MGAM2: variants seen among roughly 807,000 people sequenced by gnomAD.
MGAM2 encodes probable maltase-glucoamylase 2.
In MGAM2, 98 loss-of-function variants were observed where a neutral mutation model predicts 96.1. The observed-to-expected ratio is 1.02, with a 90% CI of 0.87 to 1.21. The LOEUF (loss-of-function observed/expected upper bound fraction) is 1.21, where lower values mean the gene tolerates loss of function less well. MGAM2 is among the 50% of genes most tolerant of loss of function. The probability of loss-of-function intolerance (pLI) is 0.00; values close to 1 mark genes in which losing one functional copy is unlikely to be tolerated. For synonymous variants in MGAM2, 749 were observed against 414.8 expected, an observed-to-expected ratio of 1.81 and a Z score of -9.79; for missense variants, 2,055 against 1,182.4, an observed-to-expected ratio of 1.74 and a Z score of -10.82.
At chr7:142,199,793 G>C (rs1445121761) in intron 44 of MGAM2, 87 bp from the exon 45 acceptor site, 1 of 501,900 alleles carries the variant, frequency 2.0e-6, no homozygotes, top group Middle Eastern at 2.9e-4. Context: ...TTTATTTCTA[G>C]ATAAGTAATG....
chr7:142,209,105 T>C (rs1797500082), intron 46 of MGAM2, among the ~76,000 whole-genome samples: 1 of 152,146 alleles, frequency 6.6e-6, no homozygotes, highest in African/African-American at 2.4e-5. Context: ...GTCTTGGGTC[T>C]ATTGGGCTGT....
intron 14 of MGAM2, among the ~76,000 whole-genome samples, chr7:142,145,701 G>A (rs1174185263): frequency 6.6e-6 from 1 of 152,162 alleles, no homozygotes; most frequent in African/African-American, 2.4e-5. Context: ...TCGGATCTAT[G>A]TCTGGTTCTC....
At chr7:142,144,610 T>G (rs1795330582) in intron 13 of MGAM2, among the ~76,000 whole-genome samples, 1 of 152,154 alleles carries the variant, frequency 6.6e-6, no homozygotes, top group Non-Finnish European at 1.5e-5. Context: ...TGAAATCAAT[T>G]TATAAAAAGT....
chr7:142,137,361 AC>A, intron 8 of MGAM2, 71 bp from the exon 9 acceptor site: 1 of 583,336 alleles, frequency 1.7e-6, no homozygotes, highest in Non-Finnish European at 3.1e-6. Context: ...AGGTGGCTCA[AC>A]TATTTCTACT....
Position 142,143,795 on chromosome 7 carries a change from C to T in MGAM2, c.1344C>T (p.Pro448=), listed in dbSNP as rs1006530507. 36 of 683,272 alleles carry T rather than the reference C, an allele frequency of 5.3e-5. No homozygotes were observed. The East Asian group carries it at 6.2e-4, about 12-fold the overall frequency. 42.3% of individuals were successfully genotyped at this position (683,272 alleles called of 1,614,324 possible). A position where few individuals can be genotyped will look rare whatever the true frequency, so the allele number is the denominator to read the frequency against. The change falls in exon 13 of 48, where the codon CCC becomes CCT. Residue 448 remains proline (P), a synonymous_variant. Transcript: ENST00000477922. ...GATATCCGGGACCGACAGTCTTTCCCGATTATACCAATCCAGTATGCACTG... is the reference window on the plus strand; with the variant it reads ...GATATCCGGGACCGACAGTCTTTCCTGATTATACCAATCCAGTATGCACTG... The part of the protein sequence containing the change: ...GEGYPGPTVF[P]DYTNPVCTEW...
At chr7:142,141,413 C>A (rs898534914) in intron 12 of MGAM2, among the ~76,000 whole-genome samples, 3 of 152,090 alleles carry the variant, frequency 2.0e-5, no homozygotes, top group African/African-American at 7.2e-5. Context: ...TTTCCCAAGA[C>A]AATAAATTCA....
chr7:142,136,725 A>T (rs2129079175), intron 8 of MGAM2, 85 bp downstream of exon 8: 2 of 563,268 alleles, frequency 3.6e-6, no homozygotes, highest in East Asian at 5.8e-5. Flanking sequence ...TGGTGAGATC[A>T]ACTGTTGAAC....
intron 33 of MGAM2, among the ~76,000 whole-genome samples, chr7:142,183,698 A>G (rs979282396): frequency 6.6e-6 from 1 of 152,186 alleles, no homozygotes; most frequent in Non-Finnish European, 1.5e-5. Flanking sequence ...CATGCAAAAC[A>G]TGCGTTCACC....
In MGAM2 at chr7:142,137,226, A is replaced by G. The variant is rs797000268; in HGVS notation, c.848-207A>G. ...TGTTCTTCTTTATCTTAAAAAAAAA[A>G]AAACAAAACTCAATTCTTCATTGGT... On this transcript the variant is annotated intron_variant, in intron 8 of 47. Coordinates refer to ENST00000477922, the MANE Select transcript of MGAM2 (RefSeq NM_001293626.2). Among the ~76,000 whole-genome samples the G allele has an allele frequency of 1.2e-4, 18 of 152,182 alleles. No homozygotes were observed. The South Asian group carries it at 3.5e-3, about 30-fold the overall frequency.
chr7:142,199,562 G>A (rs987472922), intron 44 of MGAM2, among the ~76,000 whole-genome samples: 2 of 152,198 alleles, frequency 1.3e-5, no homozygotes, highest in Non-Finnish European at 2.9e-5. Context: ...ATTTTATTCT[G>A]TGGCAACCTG....
intron 32 of MGAM2, among the ~76,000 whole-genome samples, chr7:142,176,983 T>C (rs939444479): frequency 3.9e-5 from 6 of 152,338 alleles, no homozygotes; most frequent in African/African-American, 1.4e-4. Flanking sequence ...ATTTATTTGT[T>C]TATTTAAATA....
chr7:142,180,709 A>G (rs1796511827), intron 32 of MGAM2, among the ~76,000 whole-genome samples: 1 of 152,114 alleles, frequency 6.6e-6, no homozygotes, highest in Non-Finnish European at 1.5e-5. Context: ...ATAATTCTAT[A>G]TTTCTCAGAG....
intron 16 of MGAM2, among the ~76,000 whole-genome samples, chr7:142,154,440 A>G (rs528652639): frequency 1.3e-5 from 2 of 152,348 alleles, no homozygotes; most frequent in South Asian, 4.1e-4. Context: ...TTAGTATCAC[A>G]GGAAAATTCC....
At chr7:142,128,624 A>C (rs967783876) in intron 3 of MGAM2, among the ~76,000 whole-genome samples, 1 of 152,188 alleles carries the variant, frequency 6.6e-6, no homozygotes, top group African/African-American at 2.4e-5. Context: ...AAAGGGACAA[A>C]AGTACAGCTC....
intron 19 of MGAM2, 146 bp from the exon 20 acceptor site, chr7:142,159,141 T>A (rs543156250): frequency 1.7e-6 from 1 of 589,908 alleles, no homozygotes; most frequent in Admixed American, 2.7e-5. Flanking sequence ...TCAACCTTTA[T>A]GTGTCTGTGT....
intron 2 of MGAM2, among the ~76,000 whole-genome samples, chr7:142,118,936 G>C (rs1325597385): frequency 2.0e-5 from 3 of 152,042 alleles, no homozygotes; most frequent in African/African-American, 7.2e-5. Context: ...TTAGATAACA[G>C]TTTCTTAGAT....
intron 8 of MGAM2, 144 bp from the exon 9 acceptor site, chr7:142,137,289 G>T: frequency 2.3e-6 from 1 of 433,766 alleles, no homozygotes; most frequent in South Asian, 4.9e-5. Context: ...CTCCAACAAC[G>T]ATCCTCTGAT....
intron 38 of MGAM2, 25 bp downstream of exon 38, chr7:142,196,312 CTGTGCTGGCAGGGAGGGCACTGGAGTT>C (rs1200238915): frequency 1.4e-6 from 1 of 712,052 alleles, no homozygotes; most frequent in Non-Finnish European, 2.6e-6. Context: ...TCCCAGGGGC[CTGTGCTGGCAGGGAGGGCACTGGAGTT>C]TGTGCTGTTC....
chr7:142,156,726 C>A (rs1055793098), intron 17 of MGAM2, among the ~76,000 whole-genome samples: 1 of 151,958 alleles, frequency 6.6e-6, no homozygotes. Flanking sequence ...CTCATGGAGT[C>A]ATTCTATTTA....
Sources: allele counts gnomAD v4.1 joint callset (sites outside exome capture counted in the v4.1 genomes callset), GRCh38; gene constraint gnomAD v4.1.1; transcripts MANE v1.5; gene names NCBI Gene and HGNC (gene_info 2026-07-23, HGNC 2026-07-21).